FMN2: variants seen among roughly 807,000 people sequenced by gnomAD.
FMN2 encodes the protein formin-2.
FMN2 carries 51 observed loss-of-function variants against 142.3 expected under a neutral mutation model. That is an observed-to-expected ratio of 0.36 (90% CI 0.29 to 0.45). The LOEUF (loss-of-function observed/expected upper bound fraction) is 0.45, where lower values mean the gene tolerates loss of function less well. Among genes scored for constraint, FMN2 ranks in the 20% least tolerant of loss-of-function variants. The pLI is 1.00. For missense variants in FMN2, 1,936 were observed against 2,122.8 expected (o/e 0.91, Z 1.73); for synonymous variants, 882 against 869.8 (o/e 1.01, Z -0.25).
Position 240,422,118 on chromosome 1 carries a change from G to T in FMN2, c.4911-15943G>T, listed in dbSNP as rs190194863. Among the ~76,000 whole-genome samples, 5 of 152,262 alleles carry T rather than the reference G, an allele frequency of 3.3e-5. No homozygotes were observed. The East Asian group carries it at 9.7e-4, about 29-fold the overall frequency. On this transcript the variant is annotated intron_variant, in intron 15 of 17. Coordinates refer to ENST00000319653, the MANE Select transcript of FMN2 (RefSeq NM_020066.5). ...TACAGTTTCATTGATCTGTCTGTCT[G>T]TTCTTTTGCCAGTACCATGCTGTCT...
At chr1:240,407,070 TTTCCCTACCATTTGTC>T (rs1205516439) in intron 15 of FMN2, among the ~76,000 whole-genome samples, 2 of 152,180 alleles carry the variant, frequency 1.3e-5, no homozygotes, top group Non-Finnish European at 2.9e-5. Context: ...TTTTGGCTGA[TTTCCCTACCATTTGTC>T]TTGAAAGATG....
At chr1:240,347,061 A>T (rs2103035489) in intron 13 of FMN2, among the ~76,000 whole-genome samples, 1 of 152,346 alleles carries the variant, frequency 6.6e-6, no homozygotes, top group Admixed American at 6.5e-5. Context: ...ACTTAGAGAA[A>T]CATAACCCAT....
chr1:240,111,114 C>G lies in FMN2; in HGVS notation c.1616-12065C>G, dbSNP rs749820188. On this transcript the variant is annotated intron_variant, in intron 1 of 17. Transcript: ENST00000319653. ...TTATTGGGTACTGTTAAGCCTGTTACAAAAATTGTTTCATTTAATTTTCAC... is the reference window on the plus strand; with the variant it reads ...TTATTGGGTACTGTTAAGCCTGTTAGAAAAATTGTTTCATTTAATTTTCAC... 1.2e-4 allele frequency among the ~76,000 whole-genome samples: 18 copies of G among 152,180 alleles called. No homozygotes were observed. The East Asian group carries it at 3.5e-3, about 29-fold the overall frequency.
chr1:240,288,668 G>A (rs1012951700), intron 7 of FMN2, among the ~76,000 whole-genome samples: 1 of 152,024 alleles, frequency 6.6e-6, no homozygotes, highest in South Asian at 2.1e-4. Context: ...CAGAACAGGG[G>A]TGATGGGATG....
chr1:240,228,694 G>T (rs1667432525), intron 6 of FMN2, among the ~76,000 whole-genome samples: 1 of 152,036 alleles, frequency 6.6e-6, no homozygotes, highest in Non-Finnish European at 1.5e-5. Flanking sequence ...AAATAATTTT[G>T]CTGGTAGCAC....
intron 1 of FMN2, among the ~76,000 whole-genome samples, chr1:240,102,458 T>A (rs77697547): frequency 1.3e-5 from 2 of 152,190 alleles, no homozygotes; most frequent in South Asian, 4.1e-4. Context: ...TTTTAACCTA[T>A]ATACTTGTAG....
At chr1:240,418,582 C>A (rs930166579) in intron 15 of FMN2, among the ~76,000 whole-genome samples, 8 of 152,122 alleles carry the variant, frequency 5.3e-5, no homozygotes, top group Non-Finnish European at 7.4e-5. Flanking sequence ...AGTTCCATTT[C>A]TTTCTTAATT....
intron 7 of FMN2, among the ~76,000 whole-genome samples, chr1:240,284,683 A>G (rs1358292765): frequency 2.0e-5 from 3 of 152,200 alleles, no homozygotes; most frequent in Non-Finnish European, 4.4e-5. Flanking sequence ...AGGCAGAGAA[A>G]CTTTCTAAGT....
chr1:240,357,790 G>A (rs1331347333), intron 14 of FMN2, among the ~76,000 whole-genome samples: 4 of 151,972 alleles, frequency 2.6e-5, no homozygotes, highest in Admixed American at 6.6e-5. Flanking sequence ...TGTATTTTTA[G>A]TAGAGACGGG....
chr1:240,277,445 T>TA (rs1283482600), intron 7 of FMN2, among the ~76,000 whole-genome samples: 1 of 151,634 alleles, frequency 6.6e-6, no homozygotes, highest in East Asian at 1.9e-4. Context: ...TTCTTTTTTT[T>TA]TTTTTCAAAT....
chr1:240,452,269 T>C (rs934521749), intron 16 of FMN2, among the ~76,000 whole-genome samples: 2 of 152,184 alleles, frequency 1.3e-5, no homozygotes, highest in Non-Finnish European at 2.9e-5. Flanking sequence ...ATTCATGACT[T>C]AGGCATTCAT....
intron 6 of FMN2, chr1:240,235,625 T>G (rs1667685229): frequency 6.6e-6 from 1 of 152,142 alleles, no homozygotes; most frequent in Admixed American, 6.5e-5. Context: ...CTCACTATGT[T>G]GCCCAGGCTG....
intron 2 of FMN2, among the ~76,000 whole-genome samples, chr1:240,136,072 C>G (rs1421905514): frequency 6.6e-6 from 1 of 151,698 alleles, no homozygotes; most frequent in Admixed American, 6.6e-5. Context: ...AATCAGTAAC[C>G]AAGTTTTTAT....
At chr1:240,435,841 C>T (rs2103173749) in intron 15 of FMN2, among the ~76,000 whole-genome samples, 1 of 152,290 alleles carries the variant, frequency 6.6e-6, no homozygotes, top group Admixed American at 6.5e-5. Flanking sequence ...GCTATTGCGA[C>T]TTACATATGG....
chr1:240,228,063 G>T (rs151127094), intron 6 of FMN2, among the ~76,000 whole-genome samples: 5,466 of 151,962 alleles, frequency 0.036, 142 homozygotes, highest in Non-Finnish European at 0.052. Context: ...CAGCACTTTG[G>T]GAGGCCGAGG....
chr1:240,408,712 T>C (rs1486724950), intron 15 of FMN2, among the ~76,000 whole-genome samples: 2 of 152,160 alleles, frequency 1.3e-5, no homozygotes, highest in Non-Finnish European at 1.5e-5. Context: ...TTTTTAATAT[T>C]CAATCTATGA....
At chr1:240,437,292 C>CT (rs10649766) in intron 15 of FMN2, among the ~76,000 whole-genome samples, 23,031 of 117,120 alleles carry the variant, frequency 0.2, 2,834 homozygotes, top group African/African-American at 0.23. Context: ...GCATCTCTTG[C>CT]TTTTTTTTTT....
At chr1:240,361,656 A>G (rs556707193) in intron 14 of FMN2, among the ~76,000 whole-genome samples, 1 of 152,320 alleles carries the variant, frequency 6.6e-6, no homozygotes, top group South Asian at 2.1e-4. Flanking sequence ...ATAGACGGAA[A>G]GATTTGAATG....
intron 1 of FMN2, among the ~76,000 whole-genome samples, chr1:240,103,332 GT>G (rs1006496092): frequency 1.3e-5 from 2 of 152,176 alleles, no homozygotes; most frequent in African/African-American, 4.8e-5. Context: ...CCTTTTGTAT[GT>G]GTGCTTTTGT....
Sources: gnomAD v4.1 joint callset for allele counts (sites outside exome capture counted in the v4.1 genomes callset) on GRCh38, gnomAD v4.1.1 for gene constraint, MANE v1.5 for transcripts, NCBI Gene and HGNC (gene_info 2026-07-23, HGNC 2026-07-21) for gene names.